Variants in ARPP21 observed in about 807,000 individuals in gnomAD.
ARPP21 encodes cAMP regulated phosphoprotein 21.
ARPP21 carries 69 observed loss-of-function variants against 113.2 expected under a neutral mutation model. The observed-to-expected ratio is 0.61, with a 90% confidence interval of 0.50 to 0.74. The LOEUF is 0.74. Ranked by LOEUF, ARPP21 falls within the 30% of genes least tolerant of loss-of-function variation. ARPP21 has a pLI of 0.00. For missense variants in ARPP21, 1,070 were observed against 1,037.4 expected (o/e 1.03, Z -0.43); for synonymous variants, 368 against 375.5 (o/e 0.98, Z 0.23).
intron 9 of ARPP21, among the ~76,000 whole-genome samples, chr3:35,702,801 G>A (rs2086949088): frequency 6.6e-6 from 1 of 151,672 alleles, no homozygotes; most frequent in South Asian, 2.1e-4. Flanking sequence ...CAAATTGTGA[G>A]ATACACTTAT....
At chr3:35,778,353 T>C (rs1290688641) in intron 19 of ARPP21, among the ~76,000 whole-genome samples, 1 of 151,932 alleles carries the variant, frequency 6.6e-6, no homozygotes, top group Non-Finnish European at 1.5e-5. Context: ...GTTTTGCTAA[T>C]GGAAGGCATC....
intron 9 of ARPP21, among the ~76,000 whole-genome samples, chr3:35,696,912 T>A (rs1311182040): frequency 6.6e-6 from 1 of 151,616 alleles, no homozygotes; most frequent in Non-Finnish European, 1.5e-5. Flanking sequence ...TTTCTGTGTT[T>A]GACACAAAGC....
intron 1 of ARPP21, among the ~76,000 whole-genome samples, chr3:35,649,580 T>C (rs1701590606): frequency 1.3e-5 from 2 of 152,168 alleles, no homozygotes; most frequent in South Asian, 4.1e-4. Context: ...AGATTAACCA[T>C]GGTGAAGGAC....
intron 1 of ARPP21, among the ~76,000 whole-genome samples, chr3:35,670,720 C>T (rs910977791): frequency 1.3e-5 from 2 of 152,082 alleles, no homozygotes; most frequent in Non-Finnish European, 1.5e-5. Flanking sequence ...AAGCTGTGGA[C>T]ACATTGAAAA....
In ARPP21 at chr3:35,649,553, G is replaced by C. The variant is rs527958840; in HGVS notation, c.-213+9155G>C. 1.4e-4 allele frequency among the ~76,000 whole-genome samples: 22 copies of C among 152,260 alleles called. No individual in the cohort carries two copies. In the South Asian group the frequency reaches 1.9e-3, roughly 13 times the overall value. On this transcript the variant is annotated intron_variant, in intron 1 of 20. Coordinates refer to ENST00000684406, the MANE Select transcript of ARPP21 (RefSeq NM_001385562.1). The stretch of plus-strand genomic sequence containing the variant: ...AGCTAAAGGCAACCCATCTTTACTG[G>C]ATGTGTGCCTTTGGAGAGATTAACC...
At chr3:35,791,618 T>A (rs2096749419) in intron 19 of ARPP21, among the ~76,000 whole-genome samples, 1 of 151,814 alleles carries the variant, frequency 6.6e-6, no homozygotes, top group African/African-American at 2.4e-5. Flanking sequence ...CCTAAAAAAA[T>A]AAAAAAAGAC....
chr3:35,681,958 G>T (rs577554512), intron 3 of ARPP21, 78 bp downstream of exon 3: 11 of 1,439,502 alleles, frequency 7.6e-6, no homozygotes, highest in Admixed American at 6.5e-5. Context: ...ATACTTTAGA[G>T]ATTTATTTTT....
At chr3:35,763,931 A>G (rs916412491) in intron 19 of ARPP21, among the ~76,000 whole-genome samples, 9 of 152,140 alleles carry the variant, frequency 5.9e-5, no homozygotes, top group African/African-American at 1.7e-4. Flanking sequence ...TGGGAGGCCA[A>G]GGTGGGAGGA....
At chr3:35,768,209 A>T (rs1302776013) in intron 19 of ARPP21, among the ~76,000 whole-genome samples, 1 of 151,688 alleles carries the variant, frequency 6.6e-6, no homozygotes, top group East Asian at 1.9e-4. Flanking sequence ...TGTTTTAAGT[A>T]GATAGAATTT....
In ARPP21 at chr3:35,690,872, T is replaced by A. The variant is rs1162198389; in HGVS notation, c.553T>A (p.Tyr185Asn). The stretch of plus-strand genomic sequence containing the variant: ...TCTTGAATTATGTTCTAGTAATCAT[T>A]ATAAAAAGTTCCCTCAGATGTCATC... ...IDFIADNNNH[Y>N]KKFPQMSSYQ... The change falls in exon 9 of 21, where the codon TAT becomes AAT. Residue 185 changes from tyrosine (Y) to asparagine (N), a missense_variant. By Grantham distance (143) the Tyr-to-Asn change is moderately radical. Transcript: ENST00000684406. 1.9e-6 allele frequency: 3 copies of A among 1,603,950 alleles called. No homozygotes were observed. In the African/African-American group the frequency reaches 4.0e-5, roughly 22 times the overall value.
At chr3:35,752,325 G>A (rs1030026910) in intron 19 of ARPP21, among the ~76,000 whole-genome samples, 1 of 151,980 alleles carries the variant, frequency 6.6e-6, no homozygotes. Flanking sequence ...CTACATCTGA[G>A]GAAACGATGT....
At chr3:35,716,320 T>C (rs570445216) in intron 12 of ARPP21, among the ~76,000 whole-genome samples, 27 of 152,252 alleles carry the variant, frequency 1.8e-4, no homozygotes, top group South Asian at 6.2e-4. Context: ...TTTTGCTTAA[T>C]GTGTATTCCT....
intron 1 of ARPP21, among the ~76,000 whole-genome samples, chr3:35,649,917 T>C (rs1701736834): frequency 6.6e-6 from 1 of 152,162 alleles, no homozygotes; most frequent in African/African-American, 2.4e-5. Context: ...TGATTACAAA[T>C]GAAATGAGTT....
At chr3:35,738,019 T>C in intron 16 of ARPP21, among the ~76,000 whole-genome samples, 195 bp from the exon 17 acceptor site, 1 of 152,192 alleles carries the variant, frequency 6.6e-6, no homozygotes, top group Admixed American at 6.5e-5. Flanking sequence ...AAAGAAATAA[T>C]CACTAAGTGC....
At chr3:35,785,501 C>T (rs1046219967) in intron 19 of ARPP21, among the ~76,000 whole-genome samples, 3 of 139,320 alleles carry the variant, frequency 2.2e-5, no homozygotes, top group Non-Finnish European at 4.6e-5. Flanking sequence ...CTCATGTTTG[C>T]CCTGATTTAA....
intron 19 of ARPP21, among the ~76,000 whole-genome samples, chr3:35,787,192 A>C (rs1369970967): frequency 1.3e-5 from 2 of 152,156 alleles, no homozygotes; most frequent in African/African-American, 4.8e-5. Flanking sequence ...GTCCCTGTGT[A>C]TCTTCTTTTT....
At chr3:35,708,900 C>T in intron 10 of ARPP21, 69 bp from the exon 11 acceptor site, 1 of 978,592 alleles carries the variant, frequency 1.0e-6, no homozygotes, top group East Asian at 2.5e-5. Context: ...TCTTAGCTGA[C>T]AGTTGCTTAA....
intron 4 of ARPP21, among the ~76,000 whole-genome samples, chr3:35,683,139 T>C (rs2149489900): frequency 6.6e-6 from 1 of 151,942 alleles, no homozygotes. Context: ...TGATCCTGTG[T>C]TCACACTTAA....
Position 35,738,280 on chromosome 3 carries a change from C to A in ARPP21, c.1711C>A (p.His571Asn), listed in dbSNP as rs1205201553. The A allele has an allele frequency of 1.3e-6, 2 of 1,536,020 alleles. No homozygotes were observed. Among genetic ancestry groups the A allele is most frequent in the African/African-American group, 1.4e-5 (1 of 73,158 alleles). ...TCCAGCAGTCTCTTTTCCTCCCCAG[C>A]ACCTCCTACCTGTGTCTCCAACGCA... ...QYPAVSFPPQ[H>N]LLPVSPTQHF... Residue 571 changes from histidine (H) to asparagine (N), a missense_variant, in exon 17 of 21, where the codon CAC (histidine) becomes AAC (asparagine). Coordinates refer to ENST00000684406, the MANE Select transcript of ARPP21 (RefSeq NM_001385562.1).
Sources: gnomAD v4.1 joint callset for allele counts (sites outside exome capture counted in the v4.1 genomes callset) on GRCh38, gnomAD v4.1.1 for gene constraint, MANE v1.5 for transcripts, NCBI Gene and HGNC (gene_info 2026-07-23, HGNC 2026-07-21) for gene names.